Variants in EPB41L4A observed in about 807,000 individuals in gnomAD.
The protein encoded by EPB41L4A is erythrocyte membrane protein band 4.1 like 4A.
Under a neutral mutation model 108.6 loss-of-function variants are expected in EPB41L4A, and 100 were observed. That is an observed-to-expected ratio of 0.92 (90% CI 0.78 to 1.09). The LOEUF (loss-of-function observed/expected upper bound fraction) is 1.09, where lower values mean the gene tolerates loss of function less well. Ranked by LOEUF, EPB41L4A falls within the 50% of genes least tolerant of loss-of-function variation. EPB41L4A has a pLI of 0.00. For synonymous variants in EPB41L4A, 319 were observed against 289.0 expected, an observed-to-expected ratio of 1.10 and a Z score of -1.05; for missense variants, 1,030 against 842.7, an observed-to-expected ratio of 1.22 and a Z score of -2.75.
chr5:112,306,664 A>G (rs1411244073), intron 2 of EPB41L4A, among the ~76,000 whole-genome samples: 1 of 152,196 alleles, frequency 6.6e-6, no homozygotes, highest in Non-Finnish European at 1.5e-5. Flanking sequence ...CATTCTGCAT[A>G]ATGAGGCTGT....
At chr5:112,224,096 C>T (rs565134580) in intron 12 of EPB41L4A, among the ~76,000 whole-genome samples, 9 of 152,196 alleles carry the variant, frequency 5.9e-5, no homozygotes, top group Middle Eastern at 3.4e-3. Flanking sequence ...GGATTACAGG[C>T]GCCTGCCACT....
intron 1 of EPB41L4A, among the ~76,000 whole-genome samples, chr5:112,404,144 C>T (rs1422309): frequency 0.011 from 1,722 of 152,314 alleles, 35 homozygotes; most frequent in African/African-American, 0.038. Flanking sequence ...ATTTCACCTC[C>T]CATAAGGCAC....
At chr5:112,223,922 T>C (rs1291230927) in intron 12 of EPB41L4A, among the ~76,000 whole-genome samples, 1 of 151,732 alleles carries the variant, frequency 6.6e-6, no homozygotes, top group East Asian at 1.9e-4. Context: ...TTAACTTTAT[T>C]CAATTTGTCA....
chr5:112,174,408 T>C (rs552107479), intron 18 of EPB41L4A, among the ~76,000 whole-genome samples: 89 of 152,298 alleles, frequency 5.8e-4, no homozygotes, highest in African/African-American at 2.1e-3. Context: ...GGAAAGGAAA[T>C]AGAACCCTGA....
intron 1 of EPB41L4A, among the ~76,000 whole-genome samples, chr5:112,398,468 A>C (rs887885626): frequency 3.3e-5 from 5 of 152,154 alleles, no homozygotes; most frequent in African/African-American, 1.2e-4. Context: ...ATCTCACTGC[A>C]ACCTCTGCCT....
intron 17 of EPB41L4A, among the ~76,000 whole-genome samples, chr5:112,193,301 TTTC>T (rs1761797632): frequency 6.6e-6 from 1 of 152,206 alleles, no homozygotes. Flanking sequence ...TCTTTCTTTC[TTTC>T]TTTTTTTTTC....
intron 1 of EPB41L4A, among the ~76,000 whole-genome samples, chr5:112,340,609 T>C (rs1456490771): frequency 6.6e-6 from 1 of 152,218 alleles, no homozygotes; most frequent in Admixed American, 6.5e-5. Flanking sequence ...AGATCCCTGC[T>C]CTGTAGAACA....
chr5:112,323,209 G>T (rs1178362727), intron 1 of EPB41L4A, among the ~76,000 whole-genome samples: 1 of 152,066 alleles, frequency 6.6e-6, no homozygotes, highest in African/African-American at 2.4e-5. Flanking sequence ...TAACTGGAAA[G>T]GAGGGAAGAG....
In EPB41L4A at chr5:112,359,756, G is replaced by T. The variant is rs1294652068; in HGVS notation, c.100-52266C>A. On this transcript the variant is annotated intron_variant, in intron 1 of 22. Coordinates refer to ENST00000261486, the MANE Select transcript of EPB41L4A (RefSeq NM_022140.5). ...GGGGTTTCACCGTGTTAGCCAGGAT[G>T]GTCTCCATCTCCTGACCTCGTGATC... Among the ~76,000 whole-genome samples the T allele has an allele frequency of 8.5e-5, 13 of 152,226 alleles. No individual in the cohort carries two copies. In the South Asian group the frequency reaches 2.5e-3, roughly 29 times the overall value.
chr5:112,345,772 T>C (rs1378196119), intron 1 of EPB41L4A, among the ~76,000 whole-genome samples: 3 of 39,042 alleles, frequency 7.7e-5, no homozygotes, highest in African/African-American at 1.7e-4. Context: ...TATATACATA[T>C]ATATATATAC....
intron 13 of EPB41L4A, among the ~76,000 whole-genome samples, chr5:112,208,999 C>G (rs1381947002): frequency 6.6e-6 from 1 of 152,052 alleles, no homozygotes; most frequent in Admixed American, 6.5e-5. Flanking sequence ...TAGGCAAATC[C>G]CTGCGTAAAA....
At chr5:112,168,617 C>A (rs944927008) in intron 22 of EPB41L4A, 122 bp downstream of exon 22, 7 of 694,408 alleles carry the variant, frequency 1.0e-5, no homozygotes, top group African/African-American at 9.0e-5. Flanking sequence ...AATACAGAAT[C>A]TCAGAATGAC....
chr5:112,207,748 T>A (rs970185165), intron 13 of EPB41L4A, among the ~76,000 whole-genome samples: 1 of 152,084 alleles, frequency 6.6e-6, no homozygotes, highest in Admixed American at 6.6e-5. Flanking sequence ...TCAGAATACC[T>A]ATTATTAAAA....
rs1465498186 is a variant in EPB41L4A at position 112,164,923 on chromosome 5, TCA to T, written c.*65_*66del. The T allele has an allele frequency of 2.8e-6, 4 of 1,437,870 alleles. No individual in the cohort carries two copies. The African/African-American group carries it at 4.4e-5, about 16-fold the overall frequency. The allele number at this position is 1,437,870 out of a possible 1,614,324, so 89.1% of individuals were successfully genotyped here. A position where few individuals can be genotyped will look rare whatever the true frequency, so the allele number is the denominator to read the frequency against. The stretch of plus-strand genomic sequence containing the variant: ...TGAGATTTGAATTAAGATACCTATT[TCA>T]CAGTTTCAAAAGTACCAGTGGCGCA... On this transcript the variant is annotated 3_prime_UTR_variant, in exon 23 of 23. Coordinates refer to ENST00000261486, the MANE Select transcript of EPB41L4A (RefSeq NM_022140.5).
chr5:112,279,788 G>A (rs959804476), intron 3 of EPB41L4A, among the ~76,000 whole-genome samples: 52 of 151,972 alleles, frequency 3.4e-4, no homozygotes, highest in African/African-American at 9.9e-4. Context: ...TCCCAAAAAT[G>A]GTCTCTCTCT....
At chr5:112,148,176 T>C (rs189101516) in intron 12 of EPB41L4A, among the ~76,000 whole-genome samples, 2,085 of 147,918 alleles carry the variant, frequency 0.014, 60 homozygotes, top group African/African-American at 0.047. Context: ...TACTATATAA[T>C]ATAATAATAT....
intron 14 of EPB41L4A, chr5:112,204,722 T>C: frequency 2.7e-6 from 1 of 374,226 alleles, no homozygotes; most frequent in South Asian, 4.6e-5. Flanking sequence ...TAGCCTTCAG[T>C]AGTAAAAAAT....
At chr5:112,317,162 T>C (rs1755480817) in intron 1 of EPB41L4A, among the ~76,000 whole-genome samples, 2 of 152,240 alleles carry the variant, frequency 1.3e-5, no homozygotes, top group African/African-American at 4.8e-5. Context: ...GTTGACAACC[T>C]ACCACATCTT....
At chr5:112,320,526 AT>A (rs1450219760) in intron 1 of EPB41L4A, among the ~76,000 whole-genome samples, 3 of 152,154 alleles carry the variant, frequency 2.0e-5, no homozygotes, top group Non-Finnish European at 4.4e-5. Flanking sequence ...GGGGCAGGGG[AT>A]TGGCTTATGT....
Sources: gnomAD v4.1 joint callset for allele counts (sites outside exome capture counted in the v4.1 genomes callset) on GRCh38, gnomAD v4.1.1 for gene constraint, MANE v1.5 for transcripts, NCBI Gene and HGNC (gene_info 2026-07-23, HGNC 2026-07-21) for gene names.